The following PTPRR variants were observed in gnomAD, a reference collection of about 807,000 sequenced individuals.
PTPRR encodes protein tyrosine phosphatase receptor type R.
Under a neutral mutation model 77.2 loss-of-function variants are expected in PTPRR, and 38 were observed. That is an observed-to-expected ratio of 0.49 (90% CI 0.38 to 0.65). PTPRR has a LOEUF of 0.65. PTPRR is among the 30% of genes least tolerant of loss of function. The pLI is 0.00. For missense variants in PTPRR, 744 were observed against 799.2 expected (o/e 0.93, Z 0.83); for synonymous variants, 299 against 283.1 (o/e 1.06, Z -0.57).
chr12:70,844,128 C>T (rs765326723), intron 2 of PTPRR, among the ~76,000 whole-genome samples: 21 of 151,778 alleles, frequency 1.4e-4, no homozygotes, highest in Non-Finnish European at 2.2e-4. Context: ...AAAAAATTAT[C>T]GAATTAGATT....
chr12:70,886,580 T>C (rs956376589), intron 2 of PTPRR, among the ~76,000 whole-genome samples: 2 of 152,342 alleles, frequency 1.3e-5, no homozygotes, highest in South Asian at 2.1e-4. Flanking sequence ...ATTCATTGAC[T>C]AGCTATTTTG....
At chr12:70,857,854 A>C (rs1892679841) in intron 2 of PTPRR, among the ~76,000 whole-genome samples, 1 of 152,110 alleles carries the variant, frequency 6.6e-6, no homozygotes, top group Admixed American at 6.6e-5. Flanking sequence ...TGCAAGGCAA[A>C]AGTCAGGCTG....
intron 2 of PTPRR, among the ~76,000 whole-genome samples, chr12:70,871,572 A>C (rs977903551): frequency 6.6e-6 from 1 of 152,186 alleles, no homozygotes; most frequent in African/African-American, 2.4e-5. Flanking sequence ...AGTATCAATA[A>C]AGCATGCTGT....
chr12:70,649,466 T>C (rs1886315311), intron 13 of PTPRR, among the ~76,000 whole-genome samples: 3 of 152,210 alleles, frequency 2.0e-5, no homozygotes, highest in African/African-American at 7.2e-5. Context: ...GGAAGGCCTG[T>C]GAAGCTCGTA....
intron 11 of PTPRR, among the ~76,000 whole-genome samples, chr12:70,662,202 G>A (rs1886823181): frequency 6.6e-6 from 1 of 152,012 alleles, no homozygotes; most frequent in Non-Finnish European, 1.5e-5. Context: ...ACAGCCTTTA[G>A]TTAAAAGCTT....
intron 10 of PTPRR, among the ~76,000 whole-genome samples, chr12:70,665,677 C>T (rs1001442380): frequency 4.6e-5 from 7 of 151,622 alleles, no homozygotes; most frequent in African/African-American, 1.2e-4. Context: ...CCACTGCGCC[C>T]GGCCGCCAGC....
chr12:70,907,765 A>T (rs569523501), intron 1 of PTPRR, among the ~76,000 whole-genome samples: 1 of 152,290 alleles, frequency 6.6e-6, no homozygotes, highest in Admixed American at 6.5e-5. Flanking sequence ...TAGCAATCAG[A>T]TGTCCCCCAG....
chr12:70,748,137 G>A (rs1159479227), intron 5 of PTPRR, among the ~76,000 whole-genome samples: 1 of 152,152 alleles, frequency 6.6e-6, no homozygotes, highest in African/African-American at 2.4e-5. Context: ...AGTGTTGTTT[G>A]TAAAACCCTG....
At chr12:70,916,685 C>T (rs1299575120) in intron 1 of PTPRR, among the ~76,000 whole-genome samples, 1 of 151,892 alleles carries the variant, frequency 6.6e-6, no homozygotes, top group East Asian at 1.9e-4. Context: ...ATATCATTTA[C>T]CTGTTAGTCT....
At chr12:70,644,547 G>A (rs1229929861) in intron 13 of PTPRR, among the ~76,000 whole-genome samples, 3 of 152,094 alleles carry the variant, frequency 2.0e-5, no homozygotes, top group Non-Finnish European at 4.4e-5. Context: ...CAAATGATGC[G>A]ACAATAAAAA....
intron 6 of PTPRR, among the ~76,000 whole-genome samples, chr12:70,703,112 T>C (rs963390054): frequency 3.9e-5 from 6 of 152,126 alleles, no homozygotes; most frequent in Admixed American, 6.6e-5. Flanking sequence ...GCTTGTTATT[T>C]TTCCTTCTAA....
At chr12:70,823,164 G>A (rs187315594) in intron 2 of PTPRR, among the ~76,000 whole-genome samples, 117 of 140,154 alleles carry the variant, frequency 8.3e-4, no homozygotes, top group African/African-American at 3.0e-3. Context: ...CAGAGTTGTC[G>A]TTTTTCTTTC....
intron 10 of PTPRR, among the ~76,000 whole-genome samples, chr12:70,669,324 T>C (rs1887123859): frequency 6.6e-6 from 1 of 151,840 alleles, no homozygotes; most frequent in African/African-American, 2.4e-5. Flanking sequence ...CCACTCAACC[T>C]CCCAAACCAG....
intron 10 of PTPRR, among the ~76,000 whole-genome samples, chr12:70,681,735 C>T (rs965969185): frequency 1.3e-5 from 2 of 152,232 alleles, no homozygotes; most frequent in Non-Finnish European, 1.5e-5. Context: ...CTTCTCTAGT[C>T]GGCTCTCTTG....
At chr12:70,765,002 G>A (rs775664368) in intron 2 of PTPRR, among the ~76,000 whole-genome samples, 1 of 152,168 alleles carries the variant, frequency 6.6e-6, no homozygotes, top group Non-Finnish European at 1.5e-5. Flanking sequence ...AATGGTATTA[G>A]TTAAAAAGAT....
intron 8 of PTPRR, among the ~76,000 whole-genome samples, chr12:70,685,138 AG>A (rs1264088666): frequency 2.0e-5 from 3 of 152,096 alleles, no homozygotes; most frequent in Admixed American, 1.3e-4. Context: ...TTCCCTATGG[AG>A]GTAAATCAGG....
intron 10 of PTPRR, among the ~76,000 whole-genome samples, chr12:70,677,895 G>T (rs1329275052): frequency 3.3e-5 from 5 of 152,180 alleles, no homozygotes; most frequent in Admixed American, 1.3e-4. Flanking sequence ...TGGTTTGGGT[G>T]CTAGGGTAAT....
chr12:70,910,071 A>G (rs568052592), intron 1 of PTPRR, among the ~76,000 whole-genome samples: 1 of 152,226 alleles, frequency 6.6e-6, no homozygotes, highest in Admixed American at 6.5e-5. Context: ...TAATAGGTCA[A>G]TAGTCAATGT....
In PTPRR at chr12:70,638,932, T is replaced by C; in HGVS notation, c.*252A>G. ...AGACAAAACAAAATCTGCCTTAGGC[T>C]GTGTGATAAACCTATCATACCTCCA... is the stretch of plus-strand genomic sequence containing the variant. On this transcript the variant is annotated 3_prime_UTR_variant, in exon 14 of 14. Transcript: ENST00000283228. 2.0e-6 allele frequency: 1 copy of C among 494,368 alleles called. No homozygotes were observed. The highest frequency in any genetic ancestry group is 2.5e-5 in the South Asian group (1 of 40,254). The allele number at this position is 494,368 out of a possible 1,614,324, so 30.6% of individuals were successfully genotyped here.
Sources: allele counts gnomAD v4.1 joint callset (sites outside exome capture counted in the v4.1 genomes callset), GRCh38; gene constraint gnomAD v4.1.1; transcripts MANE v1.5; gene names NCBI Gene and HGNC (gene_info 2026-07-23, HGNC 2026-07-21).